Variants in PPM1G observed in about 807,000 individuals in gnomAD.
PPM1G encodes the protein protein phosphatase, Mg2+/Mn2+ dependent 1G.
A neutral mutation model predicts 59.4 loss-of-function variants in PPM1G; 12 were observed. The ratio of observed to expected loss-of-function variants is 0.20; its 90% CI spans 0.13 to 0.33. The LOEUF is 0.33. Ranked by LOEUF, PPM1G falls within the 10% of genes least tolerant of loss-of-function variation. The probability of loss-of-function intolerance (pLI) is 1.00; values close to 1 mark genes in which losing one functional copy is unlikely to be tolerated. For synonymous variants in PPM1G, 245 were observed against 251.9 expected, an observed-to-expected ratio of 0.97 and a Z score of 0.26; for missense variants, 392 against 681.3, an observed-to-expected ratio of 0.58 and a Z score of 4.73.
At chr2:27,392,600 C>A (rs1185324331) in intron 1 of PPM1G, among the ~76,000 whole-genome samples, 3 of 75,698 alleles carry the variant, frequency 4.0e-5, no homozygotes, top group East Asian at 3.1e-4. Context: ...GCCCACAGTA[C>A]ATTTTTTTTT....
Position 27,385,250 on chromosome 2 carries a change from T to A in PPM1G, c.410-162A>T. ...CAGAAGAACATGCCCTAGCTCCTCC[T>A]CCTCCACAGACTTCTTTTGGTTTTT... On this transcript the variant is annotated intron_variant, in intron 4 of 9. Coordinates refer to ENST00000344034, the MANE Select transcript of PPM1G (RefSeq NM_177983.3). This position sits in a 1 kb window ranked among gnomAD's most constrained non-coding sequence, Gnocchi z 4.1. 1 of 698,680 alleles carries A rather than the reference T, an allele frequency of 1.4e-6. No individual in the cohort carries two copies. Among genetic ancestry groups the A allele is most frequent in the East Asian group, 2.9e-5 (1 of 34,222 alleles). The allele number at this position is 698,680 out of a possible 1,614,324, so 43.3% of individuals were successfully genotyped here.
intron 1 of PPM1G, among the ~76,000 whole-genome samples, chr2:27,396,688 G>A (rs1473845446): frequency 2.0e-5 from 3 of 151,732 alleles, no homozygotes; most frequent in Non-Finnish European, 4.4e-5. Flanking sequence ...GGTGGCGCAT[G>A]CCTGTAATCC....
At chr2:27,390,690 G>A (rs1052740132) in intron 1 of PPM1G, among the ~76,000 whole-genome samples, 4 of 152,070 alleles carry the variant, frequency 2.6e-5, no homozygotes, top group Non-Finnish European at 2.9e-5. Context: ...CAGAATACAT[G>A]TGTAAGTTTG....
At chr2:27,390,795 T>A (rs1683881364) in intron 1 of PPM1G, among the ~76,000 whole-genome samples, 1 of 152,204 alleles carries the variant, frequency 6.6e-6, no homozygotes, top group Admixed American at 6.5e-5. Context: ...GTTTTTCAGC[T>A]GTTCCTCTGC....
chr2:27,406,804 A>G (rs912401859), intron 1 of PPM1G, among the ~76,000 whole-genome samples: 1 of 152,130 alleles, frequency 6.6e-6, no homozygotes, highest in Non-Finnish European at 1.5e-5. Flanking sequence ...GAAGTGAAAA[A>G]TATTAAATGA....
chr2:27,400,121 G>T (rs1684148305), intron 1 of PPM1G, among the ~76,000 whole-genome samples: 1 of 152,184 alleles, frequency 6.6e-6, no homozygotes, highest in African/African-American at 2.4e-5. Context: ...GCTTGGCCGG[G>T]CGTGGTGGTT....
rs1326604442 is a variant in PPM1G at position 27,386,952 on chromosome 2, C to A, written c.190+137G>T. 1.7e-5 allele frequency: 11 copies of A among 655,098 alleles called. No homozygotes were observed. The East Asian group carries it at 3.0e-4, about 18-fold the overall frequency. 40.6% of individuals were successfully genotyped at this position (655,098 alleles called of 1,614,324 possible). ...ACTGGGAAAAAAGAATGACAGAATA[C>A]AGAAAAACAGCACCACGCAGGAAAT... On this transcript the variant is annotated intron_variant, in intron 2 of 9. Coordinates refer to ENST00000344034, the MANE Select transcript of PPM1G (RefSeq NM_177983.3).
At chr2:27,407,702 C>A (rs1420733871) in intron 1 of PPM1G, among the ~76,000 whole-genome samples, 1 of 152,172 alleles carries the variant, frequency 6.6e-6, no homozygotes, top group Non-Finnish European at 1.5e-5. Context: ...CCTACAAATT[C>A]TTTCCACCAA....
intron 1 of PPM1G, among the ~76,000 whole-genome samples, chr2:27,406,151 G>C (rs899049595): frequency 6.6e-6 from 1 of 152,180 alleles, no homozygotes; most frequent in Non-Finnish European, 1.5e-5. Flanking sequence ...CTATCCATCA[G>C]TCAGCATGTC....
rs1409881218 is a variant in PPM1G, at chr2:27,393,207, T to G, written c.121-6049A>C. On this transcript the variant is annotated intron_variant, in intron 1 of 9. Coordinates refer to ENST00000344034, the MANE Select transcript of PPM1G (RefSeq NM_177983.3). ...CTCATGAGATTGGTGAAGAAAGTAT[T>G]TGGCAAAGTTCTTCAAAGCCACATC... The G allele has an allele frequency of 2.6e-6, 4 of 1,544,656 alleles. No individual in the cohort carries two copies. In the African/African-American group the frequency reaches 4.1e-5, roughly 16 times the overall value.
At chr2:27,392,930 T>C in intron 1 of PPM1G, 1 of 1,421,878 alleles carries the variant, frequency 7.0e-7, no homozygotes, top group Non-Finnish European at 9.8e-7. Context: ...AGGTAATGTG[T>C]CTCAATGAAG....
intron 1 of PPM1G, among the ~76,000 whole-genome samples, chr2:27,400,244 A>G (rs1684151090): frequency 6.6e-6 from 1 of 151,842 alleles, no homozygotes; most frequent in Non-Finnish European, 1.5e-5. Context: ...TAAAATACAC[A>G]CAAAAAATTT....
chr2:27,400,163 G>A (rs537770227), intron 1 of PPM1G, among the ~76,000 whole-genome samples: 14 of 152,102 alleles, frequency 9.2e-5, no homozygotes, highest in South Asian at 4.1e-4. Context: ...TTGGGAGGCC[G>A]AGGCAGGCGG....
intron 1 of PPM1G, among the ~76,000 whole-genome samples, chr2:27,387,478 G>A (rs540994268): frequency 7.9e-5 from 12 of 152,188 alleles, no homozygotes; most frequent in African/African-American, 1.7e-4. Context: ...TGGAAGCTAC[G>A]GGAAAACCAG....
At chr2:27,407,154 C>T (rs1298233183) in intron 1 of PPM1G, among the ~76,000 whole-genome samples, 2 of 151,878 alleles carry the variant, frequency 1.3e-5, no homozygotes, top group Non-Finnish European at 2.9e-5. Context: ...TTAATAAAGA[C>T]GGGGTTTCTT....
At chr2:27,405,639 C>T (rs1055765306) in intron 1 of PPM1G, among the ~76,000 whole-genome samples, 1 of 151,840 alleles carries the variant, frequency 6.6e-6, no homozygotes, top group Non-Finnish European at 1.5e-5. Context: ...GGTGATCTGC[C>T]CCCCTCGGCC....
chr2:27,381,649 C>T lies in PPM1G; in HGVS notation c.1591G>A (p.Ala531Thr), dbSNP rs1281935122. The T allele has an allele frequency of 3.7e-6, 6 of 1,613,980 alleles. No individual in the cohort carries two copies. The African/African-American group carries it at 6.7e-5, about 18-fold the overall frequency. Residue 531 changes from alanine to threonine, a missense_variant, in exon 10 of 10, where the codon GCT becomes ACT. Transcript: ENST00000344034. ...TTGTCGCTGTTGCCATTTTCTTCAG[C>T]CCCCTCAGTAGAGAGCACCTCCTCT... ...KLEEVLSTEGAEENGNSDKKK... is the reference protein window; with the variant it reads ...KLEEVLSTEGTEENGNSDKKK...
intron 1 of PPM1G, among the ~76,000 whole-genome samples, chr2:27,389,098 C>T (rs957845189): frequency 1.3e-5 from 2 of 152,142 alleles, no homozygotes; most frequent in African/African-American, 4.8e-5. Flanking sequence ...GATCTCTGGT[C>T]AGCTACCTTA....
In PPM1G at chr2:27,391,472, C is replaced by T. The variant is rs182039262; in HGVS notation, c.121-4314G>A. On this transcript the variant is annotated intron_variant, in intron 1 of 9. Transcript: ENST00000344034. ...TTTTCATGTTTGTGGGCCACATGTA[C>T]GTCTTTTGAGAAGTATCTGTTCATG... Among the ~76,000 whole-genome samples the T allele has an allele frequency of 5.9e-5, 9 of 152,260 alleles. No homozygotes were observed. The East Asian group carries it at 1.5e-3, about 26-fold the overall frequency.
Sources: gnomAD v4.1 joint callset for allele counts (sites outside exome capture counted in the v4.1 genomes callset) on GRCh38, gnomAD v4.1.1 for gene constraint, Gnocchi (gnomAD v3.1) non-coding constraint, MANE v1.5 for transcripts, NCBI Gene and HGNC (gene_info 2026-07-23, HGNC 2026-07-21) for gene names.